The following CDYL2 variants were observed in gnomAD, a reference collection of about 807,000 sequenced individuals.
CDYL2 encodes chromodomain Y-like protein 2.
CDYL2 carries 23 observed loss-of-function variants against 49.4 expected under a neutral mutation model. The ratio of observed to expected loss-of-function variants is 0.47; its 90% CI spans 0.34 to 0.66. The LOEUF (loss-of-function observed/expected upper bound fraction) is 0.66, where lower values mean the gene tolerates loss of function less well. CDYL2 is among the 30% of genes least tolerant of loss of function. The pLI is 0.01. For missense variants in CDYL2, 678 were observed against 656.4 expected, an observed-to-expected ratio of 1.03 and a Z score of -0.36; for synonymous variants, 360 against 268.8, an observed-to-expected ratio of 1.34 and a Z score of -3.32.
rs949612055 is a variant in CDYL2, at chr16:80,604,144, T to C, written c.*244A>G. On this transcript the variant is annotated 3_prime_UTR_variant, in exon 7 of 7. Coordinates refer to ENST00000570137, the MANE Select transcript of CDYL2 (RefSeq NM_152342.4). ...GGTGCTTGGCGGAGCCCTGGGAAGA[T>C]ACAGCCTTGGACAGCTCTCTGGCCA... 3 of 543,408 alleles carry C rather than the reference T, an allele frequency of 5.5e-6. No homozygotes were observed. Among genetic ancestry groups the C allele is most frequent in the Non-Finnish European group, 9.9e-6 (3 of 303,414 alleles). The allele number at this position is 543,408 out of a possible 1,614,324, so 33.7% of individuals were successfully genotyped here.
intron 1 of CDYL2, among the ~76,000 whole-genome samples, chr16:80,797,023 T>C (rs953463448): frequency 3.3e-5 from 5 of 152,214 alleles, no homozygotes; most frequent in Non-Finnish European, 7.3e-5. Flanking sequence ...CCTCTCTTGC[T>C]ACCCCTTGTA....
At chr16:80,727,832 G>A (rs893724108) in intron 1 of CDYL2, among the ~76,000 whole-genome samples, 1 of 152,180 alleles carries the variant, frequency 6.6e-6, no homozygotes, top group African/African-American at 2.4e-5. Context: ...CCCCCCAGCA[G>A]GGGCAGACTA....
intron 2 of CDYL2, among the ~76,000 whole-genome samples, chr16:80,642,911 C>T (rs1358059658): frequency 6.6e-6 from 1 of 152,104 alleles, no homozygotes; most frequent in Non-Finnish European, 1.5e-5. Context: ...TATTCCACCC[C>T]CAGCCCCTCC....
intron 4 of CDYL2, among the ~76,000 whole-genome samples, chr16:80,615,313 G>C (rs72824127): frequency 6.6e-6 from 1 of 152,052 alleles, no homozygotes; most frequent in African/African-American, 2.4e-5. Flanking sequence ...CGGGGGATAT[G>C]GACTTTTTTG....
At chr16:80,640,727 T>C (rs1908046902) in intron 2 of CDYL2, among the ~76,000 whole-genome samples, 1 of 152,072 alleles carries the variant, frequency 6.6e-6, no homozygotes, top group South Asian at 2.1e-4. Context: ...CAGACTTCGA[T>C]TAGATAAATT....
At chr16:80,775,283 T>C (rs553486361) in intron 1 of CDYL2, among the ~76,000 whole-genome samples, 10 of 151,908 alleles carry the variant, frequency 6.6e-5, no homozygotes, top group African/African-American at 2.4e-4. Flanking sequence ...TATTTAACTA[T>C]TATACTTGAG....
chr16:80,729,828 G>C (rs201643446), intron 1 of CDYL2, among the ~76,000 whole-genome samples: 9 of 152,116 alleles, frequency 5.9e-5, no homozygotes, highest in Non-Finnish European at 1.2e-4. Context: ...CATGGAAACT[G>C]AACAACCTGC....
intron 2 of CDYL2, among the ~76,000 whole-genome samples, chr16:80,649,058 C>T (rs1298929215): frequency 6.6e-6 from 1 of 152,152 alleles, no homozygotes; most frequent in African/African-American, 2.4e-5. Flanking sequence ...AAACTGAAAG[C>T]CTTTCCTCTA....
intron 1 of CDYL2, among the ~76,000 whole-genome samples, chr16:80,703,646 C>T (rs1326363574): frequency 1.3e-5 from 2 of 152,170 alleles, no homozygotes; most frequent in Admixed American, 1.3e-4. Context: ...ATGCATCACA[C>T]TCTGGCTCAA....
intron 6 of CDYL2, 39 bp from the exon 7 acceptor site, chr16:80,604,585 G>GAGTTCT (rs1364831580): frequency 1.9e-6 from 3 of 1,610,906 alleles, no homozygotes. Context: ...CCGGGCACCA[G>GAGTTCT]GGACTCTGCT....
At chr16:80,739,743 G>C (rs1205135258) in intron 1 of CDYL2, among the ~76,000 whole-genome samples, 1 of 152,158 alleles carries the variant, frequency 6.6e-6, no homozygotes, top group East Asian at 1.9e-4. Flanking sequence ...ATGAGTCATA[G>C]AAGCGCTGCT....
chr16:80,780,211 A>T (rs1907218631), intron 1 of CDYL2, among the ~76,000 whole-genome samples: 2 of 152,040 alleles, frequency 1.3e-5, no homozygotes, highest in African/African-American at 4.8e-5. Flanking sequence ...ATTTCTGTGA[A>T]TTTTTCGTAA....
At chr16:80,750,329 T>A (rs1403315567) in intron 1 of CDYL2, among the ~76,000 whole-genome samples, 1 of 147,604 alleles carries the variant, frequency 6.8e-6, no homozygotes, top group Non-Finnish European at 1.5e-5. Flanking sequence ...CCAAGTAGGA[T>A]AAAATGATTA....
chr16:80,710,750 C>A (rs1245186158), intron 1 of CDYL2, among the ~76,000 whole-genome samples: 1 of 152,126 alleles, frequency 6.6e-6, no homozygotes, highest in Non-Finnish European at 1.5e-5. Context: ...TACACACACA[C>A]ACACACATAC....
At chr16:80,797,582 G>C (rs1023442136) in intron 1 of CDYL2, among the ~76,000 whole-genome samples, 1 of 151,968 alleles carries the variant, frequency 6.6e-6, no homozygotes, top group Admixed American at 6.6e-5. Context: ...AGCATACCTG[G>C]TACTCTCAGA....
At chr16:80,691,349 C>G (rs1910407084) in intron 1 of CDYL2, among the ~76,000 whole-genome samples, 1 of 152,194 alleles carries the variant, frequency 6.6e-6, no homozygotes, top group African/African-American at 2.4e-5. Context: ...ATCCAGAAGA[C>G]TTAGATTGCT....
At chr16:80,703,050 GA>G (rs1384624033) in intron 1 of CDYL2, among the ~76,000 whole-genome samples, 2 of 151,786 alleles carry the variant, frequency 1.3e-5, no homozygotes, top group South Asian at 2.1e-4. Context: ...ATGAATCTAG[GA>G]AAAAAAGATA....
intron 1 of CDYL2, among the ~76,000 whole-genome samples, chr16:80,727,670 C>T (rs1403042049): frequency 6.6e-6 from 1 of 152,214 alleles, no homozygotes; most frequent in African/African-American, 2.4e-5. Context: ...AAAAAGACAG[C>T]AGTAACCTCT....
At chr16:80,761,644 G>A (rs1038194243) in intron 1 of CDYL2, among the ~76,000 whole-genome samples, 1 of 152,102 alleles carries the variant, frequency 6.6e-6, no homozygotes, top group African/African-American at 2.4e-5. Flanking sequence ...AGGAAGACCA[G>A]ATCTTATAGG....
Sources: gnomAD v4.1 joint callset for allele counts (sites outside exome capture counted in the v4.1 genomes callset) on GRCh38, gnomAD v4.1.1 for gene constraint, MANE v1.5 for transcripts, NCBI Gene and HGNC (gene_info 2026-07-23, HGNC 2026-07-21) for gene names.